The following CHST12 variants were observed in gnomAD, a reference collection of about 807,000 sequenced individuals.
The protein encoded by CHST12 is carbohydrate (chondroitin 4) sulfotransferase 12.
A neutral mutation model predicts 27.9 loss-of-function variants in CHST12; 23 were observed. The observed-to-expected ratio is 0.82, with a 90% CI of 0.59 to 1.17. CHST12 has a LOEUF of 1.17. Ranked by LOEUF, CHST12 falls within the 50% of genes most tolerant of loss-of-function variation. The probability of loss-of-function intolerance (pLI) is 0.00; values close to 1 mark genes in which losing one functional copy is unlikely to be tolerated. For synonymous variants in CHST12, 322 were observed against 273.0 expected, an observed-to-expected ratio of 1.18 and a Z score of -1.77; for missense variants, 682 against 603.0, an observed-to-expected ratio of 1.13 and a Z score of -1.37.
intron 1 of CHST12, among the ~76,000 whole-genome samples, chr7:2,420,697 G>A (rs1781948418): frequency 6.6e-6 from 1 of 152,044 alleles, no homozygotes; most frequent in Admixed American, 6.6e-5. Flanking sequence ...TACTCAGGAG[G>A]CTGCTTGAGC....
chr7:2,436,660 C>T lies in CHST12; in HGVS notation c.*2776C>T, dbSNP rs978932183. On this transcript the variant is annotated 3_prime_UTR_variant, in exon 2 of 2. Coordinates refer to ENST00000618655, the MANE Select transcript of CHST12 (RefSeq NM_018641.5). ...TGTCTGCCTTTGCTGGAGCACCTCCCCGGGATGCGTTTGTTTATAGGATGT... is the reference window on the plus strand; with the variant it reads ...TGTCTGCCTTTGCTGGAGCACCTCCTCGGGATGCGTTTGTTTATAGGATGT... 3 of 152,214 alleles carry T rather than the reference C, an allele frequency of 2.0e-5. No individual in the cohort carries two copies. The highest frequency in any genetic ancestry group is 7.2e-5 in the African/African-American group (3 of 41,430). 9.4% of individuals were successfully genotyped at this position (152,214 alleles called of 1,614,324 possible).
intron 1 of CHST12, among the ~76,000 whole-genome samples, chr7:2,414,548 G>A (rs1009267432): frequency 1.2e-4 from 18 of 152,170 alleles, no homozygotes; most frequent in African/African-American, 4.3e-4. Context: ...GCCTCCCAAA[G>A]TGCTGGGATT....
chr7:2,403,878 C>T (rs1562505930), intron 1 of CHST12, among the ~76,000 whole-genome samples: 1 of 152,068 alleles, frequency 6.6e-6, no homozygotes. Flanking sequence ...TGCGCGCGCC[C>T]TCTCTGAGCC....
rs61141946 is a variant in CHST12, at chr7:2,434,126, TCGCC to T, written c.*246_*249del. ...TCCGCCCGCCCACCCGCCCGCCCGCTCGCCCGCTCGCCCGCTCCTGTGGTTTTTC... is the reference window on the plus strand; with the variant it reads ...TCCGCCCGCCCACCCGCCCGCCCGCTCGCTCGCCCGCTCCTGTGGTTTTTC... On this transcript the variant is annotated 3_prime_UTR_variant, in exon 2 of 2. Transcript: ENST00000618655. 3.1e-6 allele frequency: 1 copy of T among 317,506 alleles called. No homozygotes were observed. The highest frequency in any genetic ancestry group is 6.1e-5 in the South Asian group (1 of 16,476). 19.7% of individuals were successfully genotyped at this position (317,506 alleles called of 1,614,324 possible). A position where few individuals can be genotyped will look rare whatever the true frequency, so the allele number is the denominator to read the frequency against.
intron 1 of CHST12, among the ~76,000 whole-genome samples, chr7:2,417,546 G>A (rs1781843374): frequency 6.6e-6 from 1 of 151,904 alleles, no homozygotes; most frequent in African/African-American, 2.4e-5. Flanking sequence ...TGTGCCACCA[G>A]GCCTGACTAA....
At position 2,433,379 on chromosome 7, in the gene CHST12, C is replaced by A; in HGVS notation, c.740C>A (p.Pro247His). 1 of 1,610,222 alleles carries A rather than the reference C, an allele frequency of 6.2e-7. No individual in the cohort carries two copies. ...ACCAAGTTCCTCTTCGTGCGCGACC[C>A]CTTCGTGCGCCTGATCTCCGCCTTC... ...KYTKFLFVRD[P>H]FVRLISAFRS... Residue 247 changes from proline to histidine, a missense_variant, in exon 2 of 2, where the codon CCC (proline) becomes CAC (histidine). Coordinates refer to ENST00000618655, the MANE Select transcript of CHST12 (RefSeq NM_018641.5). The surrounding 1 kb of genome is among the most constrained non-coding windows in gnomAD (Gnocchi z 6.1).
In CHST12 at chr7:2,434,259, G is replaced by A. The variant is rs73673834; in HGVS notation, c.*375G>A. On this transcript the variant is annotated 3_prime_UTR_variant, in exon 2 of 2. Coordinates refer to ENST00000618655, the MANE Select transcript of CHST12 (RefSeq NM_018641.5). ...CGGGGCCTGCACTTGAAGTCAGGCC[G>A]CACCTGTCTGTTTTTGGAAGGGTAG... 7.2e-3 allele frequency: 1,339 copies of A among 185,390 alleles called. 23 individuals are homozygous for A. The highest frequency in any genetic ancestry group is 0.03 in the African/African-American group (1,264 of 42,092). The allele number at this position is 185,390 out of a possible 1,614,324, so 11.5% of individuals were successfully genotyped here.
rs1384371826 is a variant in CHST12 at position 2,436,904 on chromosome 7, T to C, written c.*3020T>C. On this transcript the variant is annotated 3_prime_UTR_variant, in exon 2 of 2. Coordinates refer to ENST00000618655, the MANE Select transcript of CHST12 (RefSeq NM_018641.5). ...GGGCCATGGTCGGGGCCACCGCCCG[T>C]GGGGATGACTCCGGATGGGAGTGGC... 6.6e-6 allele frequency: 1 copy of C among 151,948 alleles called. No homozygotes were observed. Among genetic ancestry groups the C allele is most frequent in the African/African-American group, 2.4e-5 (1 of 41,364 alleles). 9.4% of individuals were successfully genotyped at this position (151,948 alleles called of 1,614,324 possible). A position where few individuals can be genotyped will look rare whatever the true frequency, so the allele number is the denominator to read the frequency against.
intron 1 of CHST12, among the ~76,000 whole-genome samples, chr7:2,415,954 T>C (rs1781796383): frequency 6.6e-6 from 1 of 152,206 alleles, no homozygotes; most frequent in Non-Finnish European, 1.5e-5. Context: ...CTGCATTTAT[T>C]GACTCTTACT....
rs1324970729 is a variant in CHST12 at position 2,433,870 on chromosome 7, C to A, written c.1231C>A (p.Leu411Ile). 2 of 1,574,872 alleles carry A rather than the reference C, an allele frequency of 1.3e-6. No individual in the cohort carries two copies. The highest frequency in any genetic ancestry group is 2.3e-5 in the East Asian group (1 of 44,116). ...CTTCGGCTACCCCAAGCCCGAAAAC[C>A]TCCTCCGAGACTGAAAGCTTTCGCG... ...VLFGYPKPEN[L>I]LRD Residue 411 changes from leucine (L) to isoleucine (I), a missense_variant, in exon 2 of 2, where the codon CTC (leucine) becomes ATC (isoleucine). Transcript: ENST00000618655. This position sits in a 1 kb window ranked among gnomAD's most constrained non-coding sequence, Gnocchi z 6.1.
At chr7:2,432,508 G>A in intron 1 of CHST12, 55 bp from the exon 2 acceptor site, 8 of 1,050,662 alleles carry the variant, frequency 7.6e-6, no homozygotes, top group Non-Finnish European at 1.1e-5. Flanking sequence ...CAGAAGGCAG[G>A]AGTCAGAGCC....
chr7:2,427,501 GAAA>G (rs975700956), intron 1 of CHST12, among the ~76,000 whole-genome samples: 1 of 98,626 alleles, frequency 1.0e-5, no homozygotes, highest in Non-Finnish European at 2.1e-5. Context: ...GCTCTGTCTT[GAAA>G]AAAAAAAAAA....
rs2115464994 is a variant in CHST12, at chr7:2,442,653, ACGC to A, written c.*8771_*8773del. On this transcript the variant is annotated 3_prime_UTR_variant, in exon 2 of 2. Coordinates refer to ENST00000618655, the MANE Select transcript of CHST12 (RefSeq NM_018641.5). ...GCTGGGATTACAGGCATGAGACACC[ACGC>A]CCCGCCGAGTCCCTGCTTTTAATTC... 6.6e-6 allele frequency: 1 copy of A among 152,278 alleles called. No individual in the cohort carries two copies. The highest frequency in any genetic ancestry group is 2.4e-5 in the African/African-American group (1 of 41,542). 9.4% of individuals were successfully genotyped at this position (152,278 alleles called of 1,614,324 possible).
At chr7:2,424,943 C>T (rs1056816947) in intron 1 of CHST12, among the ~76,000 whole-genome samples, 4 of 152,236 alleles carry the variant, frequency 2.6e-5, no homozygotes, top group South Asian at 2.1e-4. Flanking sequence ...TGGTGGCTCA[C>T]GCCTGTAATC....
chr7:2,430,820 T>A (rs1782253807), intron 1 of CHST12, among the ~76,000 whole-genome samples: 1 of 152,230 alleles, frequency 6.6e-6, no homozygotes, highest in African/African-American at 2.4e-5. Flanking sequence ...ACTCCTGATC[T>A]CAAATGATCC....
chr7:2,436,207 C>A lies in CHST12; in HGVS notation c.*2323C>A, dbSNP rs545197578. 1 of 152,342 alleles carries A rather than the reference C, an allele frequency of 6.6e-6. No homozygotes were observed. The highest frequency in any genetic ancestry group is 1.9e-4 in the East Asian group (1 of 5,176). 9.4% of individuals were successfully genotyped at this position (152,342 alleles called of 1,614,324 possible). A position where few individuals can be genotyped will look rare whatever the true frequency, so the allele number is the denominator to read the frequency against. On this transcript the variant is annotated 3_prime_UTR_variant, in exon 2 of 2. Transcript: ENST00000618655. Reference sequence around the variant, plus strand: ...ACTGTTGTGTGGCATTAAGCACATTCGTATTGTCGTGCCACCACCACCATC... The same window carrying A: ...ACTGTTGTGTGGCATTAAGCACATTAGTATTGTCGTGCCACCACCACCATC...
At chr7:2,412,793 T>C (rs992914276) in intron 1 of CHST12, among the ~76,000 whole-genome samples, 35 of 152,208 alleles carry the variant, frequency 2.3e-4, no homozygotes, top group African/African-American at 8.4e-4. Context: ...TCCCAGTTCA[T>C]GTGAGGATTA....
rs979104569 is a variant in CHST12, at chr7:2,442,935, T to C, written c.*9051T>C. 7 of 152,030 alleles carry C rather than the reference T, an allele frequency of 4.6e-5. No individual in the cohort carries two copies. The highest frequency in any genetic ancestry group is 1.5e-4 in the African/African-American group (6 of 41,360). The allele number at this position is 152,030 out of a possible 1,614,324, so 9.4% of individuals were successfully genotyped here. ...GAAGTGGAACAGGTTTTTGTTTTTTTTTTCCAGACAGAGTCTTGCTCTTTC... is the reference window on the plus strand; with the variant it reads ...GAAGTGGAACAGGTTTTTGTTTTTTCTTTCCAGACAGAGTCTTGCTCTTTC... On this transcript the variant is annotated 3_prime_UTR_variant, in exon 2 of 2. Transcript: ENST00000618655.
At chr7:2,423,376 TCA>T (rs1432506094) in intron 1 of CHST12, among the ~76,000 whole-genome samples, 4 of 152,144 alleles carry the variant, frequency 2.6e-5, no homozygotes, top group African/African-American at 9.7e-5. Context: ...CTCGTCCCAC[TCA>T]CACCCTGAAC....
Sources: gnomAD v4.1 joint callset for allele counts (sites outside exome capture counted in the v4.1 genomes callset) on GRCh38, gnomAD v4.1.1 for gene constraint, Gnocchi (gnomAD v3.1) non-coding constraint, MANE v1.5 for transcripts, NCBI Gene and HGNC (gene_info 2026-07-23, HGNC 2026-07-21) for gene names.